GPC5: variants seen among roughly 807,000 people sequenced by gnomAD.
The protein encoded by GPC5 is glypican 5.
Under a neutral mutation model 53.9 loss-of-function variants are expected in GPC5, and 47 were observed. The observed-to-expected ratio is 0.87, with a 90% CI of 0.69 to 1.11. The LOEUF (loss-of-function observed/expected upper bound fraction) is 1.11. Ranked by LOEUF, GPC5 falls within the 50% of genes most tolerant of loss-of-function variation. GPC5 has a pLI of 0.00. For synonymous variants in GPC5, 286 were observed against 263.3 expected, an observed-to-expected ratio of 1.09 and a Z score of -0.84; for missense variants, 748 against 713.1, an observed-to-expected ratio of 1.05 and a Z score of -0.56.
intron 6 of GPC5, among the ~76,000 whole-genome samples, chr13:91,921,016 C>T (rs1464804195): frequency 7.4e-6 from 1 of 135,236 alleles, no homozygotes; most frequent in Admixed American, 8.4e-5. Flanking sequence ...TGACTCTCTG[C>T]AACTCTGTCT....
At chr13:92,614,073 G>A (rs1884597420) in intron 7 of GPC5, among the ~76,000 whole-genome samples, 1 of 151,986 alleles carries the variant, frequency 6.6e-6, no homozygotes, top group South Asian at 2.1e-4. Flanking sequence ...ATGATTTTAT[G>A]CAAGAATTTT....
chr13:92,127,781 G>C (rs937767901), intron 6 of GPC5, among the ~76,000 whole-genome samples: 1 of 152,104 alleles, frequency 6.6e-6, no homozygotes, highest in African/African-American at 2.4e-5. Flanking sequence ...TTCTATATTG[G>C]CTAAGATTTT....
intron 2 of GPC5, among the ~76,000 whole-genome samples, chr13:91,539,416 C>T (rs1005853418): frequency 6.6e-6 from 1 of 152,180 alleles, no homozygotes; most frequent in Non-Finnish European, 1.5e-5. Context: ...AAACTTTAGT[C>T]TCTGTGGGTT....
intron 7 of GPC5, among the ~76,000 whole-genome samples, chr13:92,757,257 C>A (rs1399098455): frequency 6.6e-6 from 1 of 152,140 alleles, no homozygotes; most frequent in Non-Finnish European, 1.5e-5. Context: ...ATAAATGGTG[C>A]TGGGAAAACT....
intron 7 of GPC5, among the ~76,000 whole-genome samples, chr13:92,213,722 G>T (rs2139077766): frequency 6.6e-6 from 1 of 152,174 alleles, no homozygotes; most frequent in East Asian, 1.9e-4. Context: ...ATGGTCTTGA[G>T]AATAAAAAAG....
chr13:91,499,951 T>C (rs1214606510), intron 2 of GPC5, among the ~76,000 whole-genome samples: 4 of 152,222 alleles, frequency 2.6e-5, no homozygotes, highest in Admixed American at 6.5e-5. Flanking sequence ...CAGTCACTAA[T>C]TGGTCTTGTA....
intron 7 of GPC5, among the ~76,000 whole-genome samples, chr13:92,280,338 C>T (rs1487318172): frequency 2.0e-5 from 3 of 152,082 alleles, no homozygotes; most frequent in Non-Finnish European, 4.4e-5. Context: ...TATTTTTCTA[C>T]TTTATCTTTG....
At chr13:91,926,401 T>TATATTAATA (rs2039768650) in intron 6 of GPC5, among the ~76,000 whole-genome samples, 2 of 146,032 alleles carry the variant, frequency 1.4e-5, no homozygotes, top group African/African-American at 5.1e-5. Context: ...AGCTTTGGAG[T>TATATTAATA]ATATTAATAA....
At chr13:91,941,913 A>G (rs2039930844) in intron 6 of GPC5, among the ~76,000 whole-genome samples, 1 of 152,172 alleles carries the variant, frequency 6.6e-6, no homozygotes, top group Admixed American at 6.5e-5. Context: ...CAACAATAGA[A>G]ATTGTGCATA....
intron 7 of GPC5, among the ~76,000 whole-genome samples, chr13:92,220,210 C>T (rs1314160668): frequency 1.3e-5 from 2 of 151,900 alleles, no homozygotes; most frequent in African/African-American, 4.8e-5. Context: ...ACTTGAGCAC[C>T]AGCCTCTAGT....
chr13:92,863,833 G>A (rs1879260009), intron 7 of GPC5, among the ~76,000 whole-genome samples: 1 of 152,074 alleles, frequency 6.6e-6, no homozygotes, highest in Non-Finnish European at 1.5e-5. Flanking sequence ...CTGTCTCTGT[G>A]TAATAATATT....
intron 2 of GPC5, among the ~76,000 whole-genome samples, chr13:91,566,493 G>A (rs1224426549): frequency 6.6e-6 from 1 of 152,132 alleles, no homozygotes; most frequent in Non-Finnish European, 1.5e-5. Flanking sequence ...AACCCAGGAG[G>A]CAGAGGTTGC....
chr13:92,735,566 T>C (rs763861585), intron 7 of GPC5, among the ~76,000 whole-genome samples: 2 of 151,984 alleles, frequency 1.3e-5, no homozygotes, highest in Non-Finnish European at 2.9e-5. Flanking sequence ...GCTTTTAAAC[T>C]ACAAAGAGCT....
At chr13:91,802,856 T>C (rs1336774827) in intron 5 of GPC5, among the ~76,000 whole-genome samples, 2 of 152,128 alleles carry the variant, frequency 1.3e-5, no homozygotes, top group African/African-American at 4.8e-5. Flanking sequence ...TACCTGAGCA[T>C]TGTTGGTTCT....
At chr13:92,202,823 A>G (rs527753578) in intron 7 of GPC5, among the ~76,000 whole-genome samples, 2 of 152,060 alleles carry the variant, frequency 1.3e-5, no homozygotes, top group Non-Finnish European at 2.9e-5. Flanking sequence ...AAATGCTGAG[A>G]AAAAAAATAG....
chr13:92,509,593 T>C (rs2149063), intron 7 of GPC5: 21,348 of 152,188 alleles, frequency 0.14, 1,764 homozygotes, highest in Non-Finnish European at 0.18. Context: ...GTGATCGAGA[T>C]GAAAGAGAAA....
intron 5 of GPC5, among the ~76,000 whole-genome samples, chr13:91,829,840 C>T (rs746323390): frequency 2.6e-5 from 4 of 152,020 alleles, no homozygotes; most frequent in South Asian, 2.1e-4. Flanking sequence ...AGGGAGTGTA[C>T]GAATAGGGTG....
intron 6 of GPC5, among the ~76,000 whole-genome samples, chr13:92,029,966 G>A (rs2040828446): frequency 6.6e-6 from 1 of 152,128 alleles, no homozygotes; most frequent in African/African-American, 2.4e-5. Context: ...AAAAGTACTA[G>A]GAGAATTGTT....
At chr13:91,616,807 A>G (rs2033708647) in intron 2 of GPC5, among the ~76,000 whole-genome samples, 1 of 152,112 alleles carries the variant, frequency 6.6e-6, no homozygotes, top group African/African-American at 2.4e-5. Context: ...TAATTTTGTC[A>G]CTTTATGTAA....
Sources: gnomAD v4.1 joint callset for allele counts (sites outside exome capture counted in the v4.1 genomes callset) on GRCh38, gnomAD v4.1.1 for gene constraint, MANE v1.5 for transcripts, NCBI Gene and HGNC (gene_info 2026-07-23, HGNC 2026-07-21) for gene names.